The following REEP3 variants were observed in gnomAD, a reference collection of about 807,000 sequenced individuals.
REEP3 encodes the protein receptor accessory protein 3, also known as receptor expression-enhancing protein 3.
In REEP3, 20 loss-of-function variants were observed where a neutral mutation model predicts 41.3. The ratio of observed to expected loss-of-function variants is 0.48; its 90% CI spans 0.34 to 0.70. The LOEUF is 0.70. REEP3 is among the 30% of genes least tolerant of loss of function. The probability of loss-of-function intolerance (pLI) is 0.01; values close to 1 mark genes in which losing one functional copy is unlikely to be tolerated. For synonymous variants in REEP3, 104 were observed against 101.8 expected (o/e 1.02, Z -0.13); for missense variants, 271 against 308.8 (o/e 0.88, Z 0.92).
chr10:63,602,334 A>G (rs1956179570), intron 5 of REEP3, among the ~76,000 whole-genome samples: 1 of 152,230 alleles, frequency 6.6e-6, no homozygotes, highest in South Asian at 2.1e-4. Flanking sequence ...AAGGAGTTGC[A>G]TCGGCAGCGG....
chr10:63,570,351 C>G (rs1589871071), intron 2 of REEP3, among the ~76,000 whole-genome samples: 1 of 152,226 alleles, frequency 6.6e-6, no homozygotes, highest in Non-Finnish European at 1.5e-5. Context: ...AGCATACATA[C>G]AGCTTTGCAC....
At chr10:63,542,477 G>A (rs1327200903) in intron 1 of REEP3, among the ~76,000 whole-genome samples, 1 of 152,156 alleles carries the variant, frequency 6.6e-6, no homozygotes. Context: ...AGGCACAAAT[G>A]TGATATTCTG....
Position 63,599,158 on chromosome 10 carries a change from T to A in REEP3, c.304-12T>A. 4 of 1,416,070 alleles carry A rather than the reference T, an allele frequency of 2.8e-6. No individual in the cohort carries two copies. The highest frequency in any genetic ancestry group is 3.9e-6 in the Non-Finnish European group (4 of 1,024,568). The allele number at this position is 1,416,070 out of a possible 1,614,324, so 87.7% of individuals were successfully genotyped here. ...TTTAAGTAAAACTAACATCTGTGGC[T>A]TTTTCCCCCAGGAGATTGATGATTA... On this transcript the variant is annotated splice_polypyrimidine_tract_variant and intron_variant, in intron 4 of 7. Transcript: ENST00000373758.
At chr10:63,612,630 A>C (rs1956284790) in intron 6 of REEP3, among the ~76,000 whole-genome samples, 4 of 152,062 alleles carry the variant, frequency 2.6e-5, no homozygotes, top group Non-Finnish European at 5.9e-5. Flanking sequence ...GTCTCCACCA[A>C]AAATACAAAA....
At chr10:63,579,630 A>G (rs1412906744) in intron 2 of REEP3, among the ~76,000 whole-genome samples, 1 of 152,254 alleles carries the variant, frequency 6.6e-6, no homozygotes, top group South Asian at 2.1e-4. Context: ...ACATAGAAAA[A>G]GAAATTCTCA....
chr10:63,610,792 T>C (rs1012237249), intron 6 of REEP3, among the ~76,000 whole-genome samples: 1 of 152,120 alleles, frequency 6.6e-6, no homozygotes, highest in African/African-American at 2.4e-5. Context: ...TGACTCAGGC[T>C]GGGCACAGTG....
At chr10:63,606,289 C>CT (rs1554808467) in intron 5 of REEP3, among the ~76,000 whole-genome samples, 3 of 108,522 alleles carry the variant, frequency 2.8e-5, no homozygotes, top group Non-Finnish European at 6.2e-5. Flanking sequence ...TTCTTTCTTT[C>CT]CTTTCTTTCT....
chr10:63,529,278 G>A (rs1955396201), intron 1 of REEP3, among the ~76,000 whole-genome samples: 1 of 152,138 alleles, frequency 6.6e-6, no homozygotes, highest in African/African-American at 2.4e-5. Flanking sequence ...ATTCCAGATA[G>A]GGAAAAGAGA....
At chr10:63,530,798 G>T (rs1955413954) in intron 1 of REEP3, among the ~76,000 whole-genome samples, 1 of 152,060 alleles carries the variant, frequency 6.6e-6, no homozygotes. Context: ...TGGCATAAAT[G>T]GGTATTTTAA....
chr10:63,539,407 A>G (rs540845609), intron 1 of REEP3, among the ~76,000 whole-genome samples: 6 of 152,222 alleles, frequency 3.9e-5, no homozygotes, highest in African/African-American at 1.2e-4. Flanking sequence ...GCAGTTTTAT[A>G]GCTTTACCAA....
chr10:63,567,764 G>A (rs535605971), intron 2 of REEP3, among the ~76,000 whole-genome samples: 2 of 152,184 alleles, frequency 1.3e-5, no homozygotes, highest in Non-Finnish European at 2.9e-5. Flanking sequence ...CAAATGAACA[G>A]AGATTAGATC....
intron 6 of REEP3, among the ~76,000 whole-genome samples, chr10:63,615,758 C>A (rs1421532569): frequency 6.6e-6 from 1 of 151,802 alleles, no homozygotes; most frequent in Non-Finnish European, 1.5e-5. Flanking sequence ...ATTGGCCAGG[C>A]TGGTCTCAAA....
At chr10:63,560,904 G>A (rs1472895695) in intron 1 of REEP3, among the ~76,000 whole-genome samples, 1 of 152,052 alleles carries the variant, frequency 6.6e-6, no homozygotes, top group Non-Finnish European at 1.5e-5. Context: ...AAATATTACA[G>A]TTATTAATAA....
chr10:63,611,186 CCTT>C (rs769975946), intron 6 of REEP3, among the ~76,000 whole-genome samples: 6 of 152,198 alleles, frequency 3.9e-5, no homozygotes, highest in Non-Finnish European at 8.8e-5. Context: ...GTTACCAACA[CCTT>C]CTCACCACCA....
At chr10:63,563,857 G>A (rs953724303) in intron 1 of REEP3, among the ~76,000 whole-genome samples, 1 of 152,040 alleles carries the variant, frequency 6.6e-6, no homozygotes, top group Non-Finnish European at 1.5e-5. Flanking sequence ...TTTTCCTCCC[G>A]AAAACCCATA....
At chr10:63,563,107 C>T (rs1382110988) in intron 1 of REEP3, 11 of 416,846 alleles carry the variant, frequency 2.6e-5, no homozygotes, top group Non-Finnish European at 4.3e-5. Context: ...AATCTGCCAA[C>T]GTTTTGGTCT....
intron 1 of REEP3, among the ~76,000 whole-genome samples, chr10:63,526,652 C>A (rs1345531127): frequency 1.3e-5 from 2 of 151,976 alleles, no homozygotes; most frequent in Non-Finnish European, 2.9e-5. Context: ...TTTATCAGCA[C>A]AGTTGAATGC....
intron 2 of REEP3, among the ~76,000 whole-genome samples, chr10:63,568,942 C>T (rs1287110918): frequency 6.6e-6 from 1 of 152,120 alleles, no homozygotes. Flanking sequence ...GGATTATAGG[C>T]ATGAGCCACA....
At chr10:63,598,683 C>T (rs1391697714) in intron 4 of REEP3, among the ~76,000 whole-genome samples, 1 of 150,782 alleles carries the variant, frequency 6.6e-6, no homozygotes, top group Non-Finnish European at 1.5e-5. Flanking sequence ...ACTCGGGAGG[C>T]TGAGGCAGGA....
Sources: gnomAD v4.1 joint callset for allele counts (sites outside exome capture counted in the v4.1 genomes callset) on GRCh38, gnomAD v4.1.1 for gene constraint, MANE v1.5 for transcripts, NCBI Gene and HGNC (gene_info 2026-07-23, HGNC 2026-07-21) for gene names.